Variants in TAF3 observed in about 807,000 individuals in gnomAD.
The protein encoded by TAF3 is transcription initiation factor TFIID subunit 3.
TAF3 carries 7 observed loss-of-function variants against 80.6 expected under a neutral mutation model. That is an observed-to-expected ratio of 0.09 (90% CI 0.05 to 0.16). TAF3 has a LOEUF of 0.16. Among genes scored for constraint, TAF3 ranks in the 10% least tolerant of loss-of-function variants. TAF3 has a pLI of 1.00. For missense variants in TAF3, 921 were observed against 1,140.2 expected (o/e 0.81, Z 2.77); for synonymous variants, 444 against 446.1 (o/e 1.00, Z 0.06).
rs143590481 is a variant in TAF3, at chr10:8,000,413, G to A, written c.2316-8665G>A. ...ATTACAAGTGTGAGCCACTGCACCC[G>A]GCCTTTTTCTTTTTTTTATGCAAGT... On this transcript the variant is annotated intron_variant, in intron 4 of 6. Transcript: ENST00000344293. 4.2e-3 allele frequency among the ~76,000 whole-genome samples: 644 copies of A among 151,964 alleles called. 7 individuals carry two copies. The highest frequency in any genetic ancestry group is 0.015 in the African/African-American group (603 of 41,484).
At chr10:7,861,920 A>C (rs145221127) in intron 2 of TAF3, among the ~76,000 whole-genome samples, 1 of 152,158 alleles carries the variant, frequency 6.6e-6, no homozygotes, top group African/African-American at 2.4e-5. Flanking sequence ...TGAGACGCCA[A>C]TTAAACTTGT....
At chr10:7,983,013 C>G (rs1564377004) in intron 4 of TAF3, among the ~76,000 whole-genome samples, 1 of 152,092 alleles carries the variant, frequency 6.6e-6, no homozygotes, top group Non-Finnish European at 1.5e-5. Flanking sequence ...CAAATCAAAC[C>G]GTCTTAGAGG....
intron 2 of TAF3, among the ~76,000 whole-genome samples, chr10:7,894,049 C>T (rs1345461370): frequency 6.6e-6 from 1 of 152,174 alleles, no homozygotes; most frequent in African/African-American, 2.4e-5. Flanking sequence ...AGGAATTGCA[C>T]ATTTTGTTTT....
intron 2 of TAF3, among the ~76,000 whole-genome samples, chr10:7,876,333 C>T (rs1447496509): frequency 6.6e-6 from 1 of 152,036 alleles, no homozygotes; most frequent in Non-Finnish European, 1.5e-5. Flanking sequence ...TTTAGAGGTC[C>T]TCGTATTTCA....
At position 7,965,716 on chromosome 10, in the gene TAF3, G is replaced by C. The variant is rs777340656; in HGVS notation, c.2206G>C (p.Glu736Gln). The stretch of plus-strand genomic sequence containing the variant: ...GAGAGAGCGAGAGAAGAGAGAAAAA[G>C]AGAAGGAGAAACACAAGCATGAAAA... ...EKREREKREK[E>Q]KEKHKHEKIK... Residue 736 changes from glutamate to glutamine, a missense_variant, in exon 3 of 7, where the codon GAG (glutamate) becomes CAG (glutamine). By Grantham distance (29) the Glu-to-Gln change is conservative (BLOSUM62 2). Transcript: ENST00000344293. 5.2e-6 allele frequency: 8 copies of C among 1,549,282 alleles called. No individual in the cohort carries two copies. The highest frequency in any genetic ancestry group is 4.3e-6 in the Non-Finnish European group (5 of 1,157,976).
At chr10:7,905,211 A>G (rs115167320) in intron 2 of TAF3, among the ~76,000 whole-genome samples, 153 of 152,350 alleles carry the variant, frequency 1.0e-3, no homozygotes, top group African/African-American at 3.5e-3. Flanking sequence ...TTGAGACCCC[A>G]GAGGTAGACC....
rs534135600 is a variant in TAF3, at chr10:8,009,936, G to T, written c.2568+606G>T. On this transcript the variant is annotated intron_variant, in intron 5 of 6. Coordinates refer to ENST00000344293, the MANE Select transcript of TAF3 (RefSeq NM_031923.4). This position sits in a 1 kb window ranked among gnomAD's most constrained non-coding sequence, Gnocchi z 4.1. The stretch of plus-strand genomic sequence containing the variant: ...TGCCCGGCTTTTTTTTTTTGAAAGG[G>T]GATTTCACTCTGTCACCGAGGCTGG... 6.6e-6 allele frequency among the ~76,000 whole-genome samples: 1 copy of T among 151,512 alleles called. No individual in the cohort carries two copies. The highest frequency in any genetic ancestry group is 2.4e-5 in the African/African-American group (1 of 41,228).
At chr10:7,919,479 T>C (rs1837742854) in intron 2 of TAF3, among the ~76,000 whole-genome samples, 1 of 152,164 alleles carries the variant, frequency 6.6e-6, no homozygotes, top group East Asian at 1.9e-4. Flanking sequence ...AGAATTAGAA[T>C]GAATACTAGC....
intron 1 of TAF3, among the ~76,000 whole-genome samples, chr10:7,824,038 T>C (rs1836717403): frequency 6.6e-6 from 1 of 152,154 alleles, no homozygotes; most frequent in South Asian, 2.1e-4. Flanking sequence ...CTTTTGATCA[T>C]CTGTAAACTA....
At chr10:7,847,467 C>T (rs577542177) in intron 2 of TAF3, among the ~76,000 whole-genome samples, 34 of 152,214 alleles carry the variant, frequency 2.2e-4, no homozygotes, top group African/African-American at 7.9e-4. Flanking sequence ...TTTTTTAAGA[C>T]AGAGTCTTGC....
intron 2 of TAF3, among the ~76,000 whole-genome samples, chr10:7,854,457 A>G (rs532634499): frequency 2.6e-4 from 39 of 152,332 alleles, no homozygotes; most frequent in African/African-American, 9.4e-4. Flanking sequence ...AGAAGTTAAC[A>G]TGCTAAAGAG....
At chr10:7,998,241 C>CTATATATATATATATATATATATATG (rs59519247) in intron 4 of TAF3, among the ~76,000 whole-genome samples, 1 of 134,436 alleles carries the variant, frequency 7.4e-6, no homozygotes, top group African/African-American at 2.8e-5. Flanking sequence ...TGAGTGAGAA[C>CTATATATATATATATATATATATATG]TATATATATA....
At chr10:7,894,141 A>T (rs1328654621) in intron 2 of TAF3, among the ~76,000 whole-genome samples, 1 of 152,158 alleles carries the variant, frequency 6.6e-6, no homozygotes, top group Admixed American at 6.5e-5. Context: ...AGCCATTCTA[A>T]TGGAAGCAGG....
chr10:7,838,645 G>A (rs1836877152), intron 2 of TAF3, among the ~76,000 whole-genome samples: 1 of 152,310 alleles, frequency 6.6e-6, no homozygotes, highest in East Asian at 1.9e-4. Context: ...GCCTCTCAAA[G>A]TGTTGGGATT....
At chr10:7,825,603 G>C (rs1334420805) in intron 2 of TAF3, among the ~76,000 whole-genome samples, 1 of 152,058 alleles carries the variant, frequency 6.6e-6, no homozygotes, top group African/African-American at 2.4e-5. Context: ...GTCTTTTTAT[G>C]ACTGGCTTAC....
chr10:7,989,565 T>G (rs917949754), intron 4 of TAF3, among the ~76,000 whole-genome samples: 9 of 152,254 alleles, frequency 5.9e-5, no homozygotes, highest in Admixed American at 3.3e-4. Flanking sequence ...TGTAATATTG[T>G]TTTTGCACAT....
At chr10:7,999,981 T>G (rs1479322660) in intron 4 of TAF3, among the ~76,000 whole-genome samples, 1 of 152,224 alleles carries the variant, frequency 6.6e-6, no homozygotes. Context: ...CAAGCTATCA[T>G]TTTTTCCCCA....
rs1176707860 is a variant in TAF3 at position 7,830,473 on chromosome 10, CTTTTTTTTTTT to C, written c.409+5931_409+5941del. On this transcript the variant is annotated intron_variant, in intron 2 of 6. Transcript: ENST00000344293. ...TGCACACCTTTTTCACTTTACATGTCTTTTTTTTTTTTTTTTTTTTTTTTTTTTGAGAAGGA... is the reference window on the plus strand; with the variant it reads ...TGCACACCTTTTTCACTTTACATGTCTTTTTTTTTTTTTTTTTGAGAAGGA... Among the ~76,000 whole-genome samples, 456 of 57,738 alleles carry C rather than the reference CTTTTTTTTTTT, an allele frequency of 7.9e-3. 2 individuals carry two copies. Among genetic ancestry groups the C allele is most frequent in the African/African-American group, 0.027 (400 of 15,006 alleles). 37.9% of individuals were successfully genotyped at this position (57,738 alleles called of 152,430 possible). A position where few individuals can be genotyped will look rare whatever the true frequency, so the allele number is the denominator to read the frequency against.
At chr10:7,841,032 G>A (rs766939871) in intron 2 of TAF3, among the ~76,000 whole-genome samples, 1 of 152,092 alleles carries the variant, frequency 6.6e-6, no homozygotes, top group Non-Finnish European at 1.5e-5. Context: ...GGTATTTTTA[G>A]TAGAGAGGGG....
Sources: gnomAD v4.1 joint callset for allele counts (sites outside exome capture counted in the v4.1 genomes callset) on GRCh38, gnomAD v4.1.1 for gene constraint, Gnocchi (gnomAD v3.1) non-coding constraint, MANE v1.5 for transcripts, NCBI Gene and HGNC (gene_info 2026-07-23, HGNC 2026-07-21) for gene names.